Variants in CLRN2 observed in about 807,000 individuals in gnomAD.
CLRN2 encodes clarin 2.
A neutral mutation model predicts 20.1 loss-of-function variants in CLRN2; 17 were observed. The observed-to-expected ratio is 0.85, with a 90% CI of 0.58 to 1.27. The LOEUF is 1.27. Ranked by LOEUF, CLRN2 falls within the 50% of genes most tolerant of loss-of-function variation. CLRN2 has a pLI of 0.00. For missense variants in CLRN2, 288 were observed against 299.5 expected (o/e 0.96, Z 0.28); for synonymous variants, 140 against 126.9 (o/e 1.10, Z -0.70).
chr4:17,519,418 G>A (rs1711782484), intron 1 of CLRN2, among the ~76,000 whole-genome samples: 1 of 152,196 alleles, frequency 6.6e-6, no homozygotes, highest in Non-Finnish European at 1.5e-5. Flanking sequence ...CTCTAGCCCT[G>A]TAATAGAGTA....
chr4:17,523,902 G>A (rs1200499687), intron 2 of CLRN2, among the ~76,000 whole-genome samples: 1 of 150,856 alleles, frequency 6.6e-6, no homozygotes, highest in Non-Finnish European at 1.5e-5. Flanking sequence ...CACCTTCACT[G>A]CACCATGCCC....
In CLRN2 at chr4:17,526,786, C is replaced by G. The variant is rs781675306; in HGVS notation, c.434-31C>G. On this transcript the variant is annotated intron_variant, in intron 2 of 2. Transcript: ENST00000511148. Reference sequence around the variant, plus strand: ...CTCTTACAGAGTTGCAAAAAGGAGCCGTGAATGAGGGTGACCTTTTTGAGT... The same window carrying G: ...CTCTTACAGAGTTGCAAAAAGGAGCGGTGAATGAGGGTGACCTTTTTGAGT... The G allele has an allele frequency of 3.1e-6, 5 of 1,609,472 alleles. No homozygotes were observed. In the East Asian group the frequency reaches 1.1e-4, roughly 36 times the overall value.
chr4:17,523,121 T>A, intron 2 of CLRN2, 78 bp downstream of exon 2: 1 of 1,294,940 alleles, frequency 7.7e-7, no homozygotes, highest in South Asian at 1.6e-5. Flanking sequence ...GCAGAAGGTG[T>A]GAAGGAACTA....
intron 1 of CLRN2, among the ~76,000 whole-genome samples, chr4:17,522,032 A>C (rs866160755): frequency 2.6e-5 from 4 of 152,212 alleles, no homozygotes; most frequent in African/African-American, 4.8e-5. Flanking sequence ...TTGAACTATA[A>C]TCTTATATAG....
chr4:17,526,067 C>T (rs1240476936), intron 2 of CLRN2, among the ~76,000 whole-genome samples: 1 of 152,180 alleles, frequency 6.6e-6, no homozygotes, highest in East Asian at 1.9e-4. Context: ...CAGTTTTCCC[C>T]TCCCTCCTTT....
At chr4:17,525,372 A>C (rs2443041) in intron 2 of CLRN2, among the ~76,000 whole-genome samples, 1 of 151,978 alleles carries the variant, frequency 6.6e-6, no homozygotes, top group African/African-American at 2.4e-5. Context: ...ACGGTGGCTC[A>C]CGCCTGTAAT....
rs758368719 is a variant in CLRN2, at chr4:17,515,456, G to A, written c.190G>A (p.Gly64Arg). 4.3e-6 allele frequency: 7 copies of A among 1,613,782 alleles called. No homozygotes were observed. The highest frequency in any genetic ancestry group is 3.3e-5 in the South Asian group (3 of 91,074). Reference sequence around the variant, plus strand: ...CAAGTTCATTGGGGACATTTACTACGGGCTCTTCCGAGGGTGTAAAGTGCG... The same window carrying A: ...CAAGTTCATTGGGGACATTTACTACAGGCTCTTCCGAGGGTGTAAAGTGCG... ...LVKFIGDIYY[G>R]LFRGCKVRQC... Residue 64 changes from glycine to arginine, a missense_variant, in exon 1 of 3, where the codon GGG (glycine) becomes AGG (arginine). By Grantham distance (125) the Gly-to-Arg change is moderately radical. Coordinates refer to ENST00000511148, the MANE Select transcript of CLRN2 (RefSeq NM_001079827.2).
intron 2 of CLRN2, 75 bp from the exon 3 acceptor site, chr4:17,526,742 C>G: frequency 1.3e-6 from 2 of 1,556,490 alleles, no homozygotes; most frequent in Admixed American, 3.5e-5. Context: ...GTTTGTCACA[C>G]GTGGCACAGA....
Position 17,515,472 on chromosome 4 carries a change from G to A in CLRN2, c.206G>A (p.Cys69Tyr), listed in dbSNP as rs200819557. 1,362 of 1,613,994 alleles carry A rather than the reference G, an allele frequency of 8.4e-4. No individual in the cohort carries two copies. Among genetic ancestry groups the A allele is most frequent in the Non-Finnish European group, 1.1e-3 (1,249 of 1,179,894 alleles). Residue 69 changes from cysteine to tyrosine, a missense_variant, in exon 1 of 3, where the codon TGT (cysteine) becomes TAT (tyrosine). Cys to Tyr is a radical substitution (Grantham distance 194). Coordinates refer to ENST00000511148, the MANE Select transcript of CLRN2 (RefSeq NM_001079827.2). ...ATTTACTACGGGCTCTTCCGAGGGT[G>A]TAAAGTGCGGCAGTGTGGGCTTGGG... ...GDIYYGLFRGCKVRQCGLGGR... is the reference protein window; with the variant it reads ...GDIYYGLFRGYKVRQCGLGGR...
chr4:17,522,888 T>C lies in CLRN2; in HGVS notation c.278T>C (p.Leu93Pro). ...FTIFPHLVKE[L>P]NAGLHVMILL... ...GTCTTCCCACACCTGGTGAAGGAGC[T>C]CAACGCAGGCCTTCATGTGATGATT... is the stretch of plus-strand genomic sequence containing the variant. Residue 93 changes from leucine to proline, a missense_variant, in exon 2 of 3, where the codon CTC becomes CCC. Leu to Pro is a moderately conservative substitution (Grantham distance 98). Transcript: ENST00000511148. 1 of 1,613,968 alleles carries C rather than the reference T, an allele frequency of 6.2e-7. No individual in the cohort carries two copies. The highest frequency in any genetic ancestry group is 8.5e-7 in the Non-Finnish European group (1 of 1,179,864).
chr4:17,518,111 G>A (rs982025615), intron 1 of CLRN2, among the ~76,000 whole-genome samples: 5 of 151,864 alleles, frequency 3.3e-5, no homozygotes, highest in South Asian at 2.1e-4. Context: ...AGATGGGGAC[G>A]TAAGTGAAAA....
intron 1 of CLRN2, among the ~76,000 whole-genome samples, chr4:17,516,653 T>C (rs1048069238): frequency 2.6e-5 from 4 of 152,174 alleles, no homozygotes; most frequent in Admixed American, 2.0e-4. Flanking sequence ...TATATTTACC[T>C]AGCAATTAGA....
intron 1 of CLRN2, among the ~76,000 whole-genome samples, chr4:17,517,902 C>G (rs571262511): frequency 6.6e-6 from 1 of 152,192 alleles, no homozygotes; most frequent in South Asian, 2.1e-4. Context: ...CAGTACAGCT[C>G]AGGGACACTG....
intron 1 of CLRN2, among the ~76,000 whole-genome samples, chr4:17,519,558 C>T (rs995603811): frequency 4.6e-5 from 7 of 152,160 alleles, no homozygotes; most frequent in Non-Finnish European, 1.0e-4. Context: ...TGTATAAAGC[C>T]ACCGGCACAT....
At chr4:17,526,705 C>T in intron 2 of CLRN2, 112 bp from the exon 3 acceptor site, 1 of 1,227,560 alleles carries the variant, frequency 8.1e-7, no homozygotes, top group Non-Finnish European at 1.2e-6. Context: ...CTTATGTCTT[C>T]CTCATAATTT....
intron 1 of CLRN2, among the ~76,000 whole-genome samples, chr4:17,518,996 A>G (rs1711767425): frequency 2.0e-5 from 3 of 152,206 alleles, no homozygotes; most frequent in African/African-American, 4.8e-5. Context: ...ACCTAATGTA[A>G]TAGATTGCTT....
chr4:17,523,326 C>T (rs950570209), intron 2 of CLRN2, among the ~76,000 whole-genome samples: 2 of 151,804 alleles, frequency 1.3e-5, no homozygotes, highest in Admixed American at 1.3e-4. Flanking sequence ...GTGATCTTCC[C>T]ACCTCAGGCC....
intron 1 of CLRN2, among the ~76,000 whole-genome samples, chr4:17,521,402 A>C (rs1382710992): frequency 6.6e-6 from 1 of 152,222 alleles, no homozygotes; most frequent in Non-Finnish European, 1.5e-5. Context: ...GTGAACCAGC[A>C]AAGGAACTAG....
At chr4:17,522,782 C>G in intron 1 of CLRN2, 82 bp from the exon 2 acceptor site, 1 of 1,481,512 alleles carries the variant, frequency 6.7e-7, no homozygotes, top group South Asian at 1.3e-5. Flanking sequence ...TCTGTCGAAG[C>G]CTTCGTGGTA....
Sources: gnomAD v4.1 joint callset for allele counts (sites outside exome capture counted in the v4.1 genomes callset) on GRCh38, gnomAD v4.1.1 for gene constraint, MANE v1.5 for transcripts, NCBI Gene and HGNC (gene_info 2026-07-23, HGNC 2026-07-21) for gene names.